Variants in SLC6A17 observed in about 807,000 individuals in gnomAD.
SLC6A17 encodes sodium-dependent neutral amino acid transporter SLC6A17.
In SLC6A17, 21 loss-of-function variants were observed where a neutral mutation model predicts 64.5. That is an observed-to-expected ratio of 0.33 (90% CI 0.23 to 0.47). The LOEUF (loss-of-function observed/expected upper bound fraction) is 0.47. Ranked by LOEUF, SLC6A17 falls within the 20% of genes least tolerant of loss-of-function variation. The probability of loss-of-function intolerance (pLI) is 1.00; values close to 1 mark genes in which losing one functional copy is unlikely to be tolerated. For synonymous variants in SLC6A17, 372 were observed against 399.5 expected (o/e 0.93, Z 0.82); for missense variants, 682 against 963.2 (o/e 0.71, Z 3.86).
At chr1:110,163,994 T>C (rs889957162) in intron 1 of SLC6A17, among the ~76,000 whole-genome samples, 3 of 152,102 alleles carry the variant, frequency 2.0e-5, no homozygotes, top group African/African-American at 7.2e-5. Flanking sequence ...CACATGGAGA[T>C]ACATGGAGTC....
rs942607371 is a variant in SLC6A17, at chr1:110,201,974, C to G, written c.*3530C>G. The G allele has an allele frequency of 6.6e-6, 1 of 152,518 alleles. No homozygotes were observed. Among genetic ancestry groups the G allele is most frequent in the African/African-American group, 2.4e-5 (1 of 41,422 alleles). 9.4% of individuals were successfully genotyped at this position (152,518 alleles called of 1,614,324 possible). A position where few individuals can be genotyped will look rare whatever the true frequency, so the allele number is the denominator to read the frequency against. ...TTGGCTGGGGGAGGGGGCCTAGGGC[C>G]TCTTCTCATTGAAAGCTCTGCTTTA... On this transcript the variant is annotated 3_prime_UTR_variant, in exon 12 of 12. Coordinates refer to ENST00000331565, the MANE Select transcript of SLC6A17 (RefSeq NM_001010898.4).
intron 1 of SLC6A17, among the ~76,000 whole-genome samples, chr1:110,153,767 A>C (rs1030876498): frequency 6.6e-6 from 1 of 152,190 alleles, no homozygotes; most frequent in African/African-American, 2.4e-5. Flanking sequence ...TAAGCAGCAG[A>C]ATAGTTTAAG....
chr1:110,200,550 ATAT>A lies in SLC6A17; in HGVS notation c.*2110_*2112del. 1 of 154,688 alleles carries A rather than the reference ATAT, an allele frequency of 6.5e-6. No individual in the cohort carries two copies. Among genetic ancestry groups the A allele is most frequent in the Middle Eastern group, 3.2e-3 (1 of 308 alleles). The allele number at this position is 154,688 out of a possible 1,614,324, so 9.6% of individuals were successfully genotyped here. A position where few individuals can be genotyped will look rare whatever the true frequency, so the allele number is the denominator to read the frequency against. On this transcript the variant is annotated 3_prime_UTR_variant, in exon 12 of 12. Transcript: ENST00000331565. ...TAAATGCTGTTAAATGACAAACCCA[ATAT>A]TATACTGTGGCTGGTGGACTATTTT...
chr1:110,154,609 G>A (rs1655706068), intron 1 of SLC6A17, among the ~76,000 whole-genome samples: 1 of 152,136 alleles, frequency 6.6e-6, no homozygotes, highest in Admixed American at 6.5e-5. Context: ...TCCTTTCCCT[G>A]CCCTTCTCTT....
chr1:110,166,979 T>A lies in SLC6A17; in HGVS notation c.50T>A (p.Val17Asp), dbSNP rs1339670265. 1.1e-5 allele frequency: 17 copies of A among 1,613,856 alleles called. No individual in the cohort carries two copies. Among genetic ancestry groups the A allele is most frequent in the Non-Finnish European group, 1.4e-5 (16 of 1,179,926 alleles). The change falls in exon 2 of 12, where the codon GTC becomes GAC. Residue 17 changes from valine to aspartate, a missense_variant. Val to Asp is a radical substitution (Grantham distance 152). Transcript: ENST00000331565. The part of the protein sequence containing the change: ...VTQREHSSEH[V>D]TESVADLLAL... ...CAGCGTGAGCACAGCAGTGAGCATG[T>A]CACTGAGTCCGTGGCCGACCTGCTG...
intron 6 of SLC6A17, among the ~76,000 whole-genome samples, chr1:110,181,666 G>A (rs545133970): frequency 6.6e-6 from 1 of 152,350 alleles, no homozygotes; most frequent in African/African-American, 2.4e-5. Context: ...TTGCAATTAT[G>A]GACAGTACCG....
chr1:110,172,572 C>G (rs1269850020), intron 3 of SLC6A17: 1 of 180,014 alleles, frequency 5.6e-6, no homozygotes, highest in South Asian at 1.6e-4. Context: ...CCTCAGCTCC[C>G]CATGAGGGAG....
At chr1:110,156,139 A>G (rs1356555369) in intron 1 of SLC6A17, among the ~76,000 whole-genome samples, 1 of 152,196 alleles carries the variant, frequency 6.6e-6, no homozygotes, top group Non-Finnish European at 1.5e-5. Flanking sequence ...TCTGCCTGCT[A>G]GTAATTTGGG....
intron 1 of SLC6A17, among the ~76,000 whole-genome samples, chr1:110,153,645 C>T (rs917846367): frequency 4.6e-5 from 7 of 151,804 alleles, no homozygotes; most frequent in African/African-American, 1.5e-4. Context: ...GAGAAGATTC[C>T]AGAGAAACAG....
intron 1 of SLC6A17, among the ~76,000 whole-genome samples, chr1:110,165,003 C>G (rs2101841839): frequency 6.6e-6 from 1 of 152,338 alleles, no homozygotes; most frequent in South Asian, 2.1e-4. Context: ...CCAAGGAACT[C>G]TAGTGATTGC....
intron 3 of SLC6A17, among the ~76,000 whole-genome samples, chr1:110,172,887 C>G (rs1372370617): frequency 3.9e-5 from 6 of 152,220 alleles, no homozygotes; most frequent in African/African-American, 1.4e-4. Flanking sequence ...AGGGCAAAGC[C>G]TACAGGGAAC....
chr1:110,179,735 T>A (rs1343238789), intron 6 of SLC6A17, among the ~76,000 whole-genome samples: 1 of 152,056 alleles, frequency 6.6e-6, no homozygotes, highest in Non-Finnish European at 1.5e-5. Context: ...GCATTTTTAG[T>A]AGAGACGGGG....
rs1570994030 is a variant in SLC6A17 at position 110,181,847 on chromosome 1, G to A, written c.864+5108G>A. Reference sequence around the variant, plus strand: ...CTGGCATATTCAAAGAGGCCAGTGTGGCTCGAATAGGAGGGGAAGGAGGTA... The same window carrying A: ...CTGGCATATTCAAAGAGGCCAGTGTAGCTCGAATAGGAGGGGAAGGAGGTA... On this transcript the variant is annotated intron_variant, in intron 6 of 11. Transcript: ENST00000331565. Among the ~76,000 whole-genome samples, 3 of 152,344 alleles carry A rather than the reference G, an allele frequency of 2.0e-5. No individual in the cohort carries two copies. In the East Asian group the frequency reaches 5.8e-4, roughly 29 times the overall value.
Position 110,153,519 on chromosome 1 carries a change from A to ATGTGTGTGTGTGTGTGTGTGTGTGTGTG in SLC6A17, c.-88+2641_-88+2668dup, listed in dbSNP as rs3222731. ...AGGGGACTCCAATCTGCTACTGGAA[A>ATGTGTGTGTGTGTGTGTGTGTGTGTGTG]TGTGTGTGTGTGTGTGTGTGTGTGT... On this transcript the variant is annotated intron_variant, in intron 1 of 11. Transcript: ENST00000331565. Among the ~76,000 whole-genome samples the ATGTGTGTGTGTGTGTGTGTGTGTGTGTG allele has an allele frequency of 1.4e-3, 195 of 137,348 alleles. 1 individual carries two copies. The highest frequency in any genetic ancestry group is 3.6e-3 in the Middle Eastern group (1 of 276). The allele number at this position is 137,348 out of a possible 152,430, so 90.1% of individuals were successfully genotyped here. A position where few individuals can be genotyped will look rare whatever the true frequency, so the allele number is the denominator to read the frequency against.
chr1:110,176,570 G>T (rs1304830901), intron 5 of SLC6A17, 59 bp from the exon 6 acceptor site: 4 of 1,493,010 alleles, frequency 2.7e-6, no homozygotes, highest in African/African-American at 2.8e-5. Context: ...GAGCAGGGAT[G>T]GGGGGTGCCA....
intron 3 of SLC6A17, 36 bp from the exon 4 acceptor site, chr1:110,173,937 G>GTATCAATAAAAAA: frequency 6.3e-7 from 1 of 1,597,666 alleles, no homozygotes; most frequent in South Asian, 1.1e-5. Context: ...GGAGTTGCCT[G>GTATCAATAAAAAA]CAGCCTCAGT....
At chr1:110,182,287 C>T (rs918671975) in intron 6 of SLC6A17, among the ~76,000 whole-genome samples, 1 of 152,148 alleles carries the variant, frequency 6.6e-6, no homozygotes, top group African/African-American at 2.4e-5. Context: ...ATGGAATTGA[C>T]ATTCATGGAG....
intron 1 of SLC6A17, among the ~76,000 whole-genome samples, chr1:110,151,820 C>G (rs1467906334): frequency 6.6e-6 from 1 of 151,456 alleles, no homozygotes; most frequent in Non-Finnish European, 1.5e-5. Context: ...AATACTTTAA[C>G]AGGCCTTTTG....
chr1:110,180,942 A>C (rs767376346), intron 6 of SLC6A17, among the ~76,000 whole-genome samples: 12 of 152,138 alleles, frequency 7.9e-5, no homozygotes, highest in Non-Finnish European at 1.5e-4. Flanking sequence ...GCCTTCCAAC[A>C]TCAGAAATAA....
Sources: allele counts gnomAD v4.1 joint callset (sites outside exome capture counted in the v4.1 genomes callset), GRCh38; gene constraint gnomAD v4.1.1; transcripts MANE v1.5; gene names NCBI Gene and HGNC (gene_info 2026-07-23, HGNC 2026-07-21).